SUPT3H: variants seen among roughly 807,000 people sequenced by gnomAD.
SUPT3H encodes SPT3 homolog, SAGA and STAGA complex component.
In SUPT3H, 44 loss-of-function variants were observed where a neutral mutation model predicts 44.3. That is an observed-to-expected ratio of 0.99 (90% confidence interval 0.78 to 1.28). The LOEUF is 1.28. SUPT3H is among the 50% of genes most tolerant of loss of function. The probability of loss-of-function intolerance (pLI) is 0.00; values close to 1 mark genes in which losing one functional copy is unlikely to be tolerated. For missense variants in SUPT3H, 380 were observed against 387.1 expected, an observed-to-expected ratio of 0.98 and a Z score of 0.15; for synonymous variants, 124 against 125.6, an observed-to-expected ratio of 0.99 and a Z score of 0.09.
chr6:44,966,871 T>C (rs541658020), intron 6 of SUPT3H, among the ~76,000 whole-genome samples: 5 of 152,338 alleles, frequency 3.3e-5, no homozygotes, highest in African/African-American at 9.6e-5. Context: ...CTTTTATTCA[T>C]ACTGAACATT....
intron 2 of SUPT3H, among the ~76,000 whole-genome samples, chr6:45,181,558 C>A (rs1023213302): frequency 1.3e-5 from 2 of 151,824 alleles, no homozygotes; most frequent in Non-Finnish European, 2.9e-5. Flanking sequence ...GAGTTCATGT[C>A]CTTTGTAGGG....
intron 3 of SUPT3H, among the ~76,000 whole-genome samples, chr6:45,054,602 CAA>C (rs1790827262): frequency 1.3e-5 from 2 of 152,076 alleles, no homozygotes; most frequent in Non-Finnish European, 1.5e-5. Flanking sequence ...ATGAACCTTG[CAA>C]TAAGTGAGGA....
At chr6:44,923,845 AC>A (rs998764118) in intron 10 of SUPT3H, among the ~76,000 whole-genome samples, 8 of 152,100 alleles carry the variant, frequency 5.3e-5, no homozygotes, top group East Asian at 1.9e-4. Flanking sequence ...AAACAAAAAA[AC>A]AATAAACAAT....
intron 6 of SUPT3H, among the ~76,000 whole-genome samples, chr6:44,968,507 T>C (rs1777099741): frequency 6.6e-6 from 1 of 152,116 alleles, no homozygotes; most frequent in African/African-American, 2.4e-5. Flanking sequence ...CTCATTCTGC[T>C]TGCTGGGTCA....
At chr6:45,238,701 A>G (rs1769689544) in intron 2 of SUPT3H, among the ~76,000 whole-genome samples, 1 of 152,216 alleles carries the variant, frequency 6.6e-6, no homozygotes, top group Admixed American at 6.5e-5. Context: ...CATGGACTCT[A>G]TAACTCCTTA....
intron 2 of SUPT3H, among the ~76,000 whole-genome samples, chr6:45,236,858 G>C (rs561146726): frequency 2.3e-4 from 35 of 152,242 alleles, no homozygotes; most frequent in African/African-American, 8.2e-4. Context: ...TTTGTAATGG[G>C]ACTGTTAAAG....
At chr6:45,135,872 G>C (rs1804197788) in intron 2 of SUPT3H, among the ~76,000 whole-genome samples, 1 of 152,196 alleles carries the variant, frequency 6.6e-6, no homozygotes, top group South Asian at 2.1e-4. Flanking sequence ...AGACAAGCCA[G>C]GGATTTAGCA....
At chr6:45,177,834 A>C (rs911225133) in intron 2 of SUPT3H, among the ~76,000 whole-genome samples, 18 of 152,040 alleles carry the variant, frequency 1.2e-4, no homozygotes, top group Non-Finnish European at 2.2e-4. Flanking sequence ...TCATAAGTGA[A>C]GGAGAAATAA....
At chr6:45,230,240 T>A (rs1183465576) in intron 2 of SUPT3H, among the ~76,000 whole-genome samples, 1 of 152,214 alleles carries the variant, frequency 6.6e-6, no homozygotes, top group African/African-American at 2.4e-5. Context: ...GTCTGTTAAG[T>A]CCATTTGGTC....
Position 44,827,412 on chromosome 6 carries a change from C to T in SUPT3H, c.*2404G>A, listed in dbSNP as rs539921052. 4.0e-5 allele frequency among the ~76,000 whole-genome samples: 6 copies of T among 151,882 alleles called. No individual in the cohort carries two copies. The highest frequency in any genetic ancestry group is 1.5e-4 in the African/African-American group (6 of 41,352). On this transcript the variant is annotated 3_prime_UTR_variant, in exon 11 of 11. Transcript: ENST00000371459. ...TATGGTAGAAAATACTGTATAATAC[C>T]GACTGAAAATTAGGGACCATCGATT...
chr6:45,104,360 G>C (rs1165626561), intron 3 of SUPT3H, among the ~76,000 whole-genome samples: 1 of 151,984 alleles, frequency 6.6e-6, no homozygotes, highest in African/African-American at 2.4e-5. Context: ...AGGGGAGAAG[G>C]CTATAGAAAG....
chr6:45,267,243 G>A (rs1295794202), intron 2 of SUPT3H, among the ~76,000 whole-genome samples: 5 of 151,964 alleles, frequency 3.3e-5, no homozygotes, highest in South Asian at 2.1e-4. Context: ...TTTATATAAC[G>A]GATTTAGAGA....
chr6:45,149,970 TA>T (rs1806659776), intron 2 of SUPT3H, among the ~76,000 whole-genome samples: 3 of 152,062 alleles, frequency 2.0e-5, no homozygotes, highest in Admixed American at 6.6e-5. Flanking sequence ...ACAATTTTTT[TA>T]AAAAAGGTCC....
intron 3 of SUPT3H, among the ~76,000 whole-genome samples, chr6:45,022,684 C>G (rs1199675087): frequency 6.6e-6 from 1 of 151,954 alleles, no homozygotes; most frequent in African/African-American, 2.4e-5. Context: ...CTGCCTATCC[C>G]GGATGTGTCC....
downstream of SUPT3H, among the ~76,000 whole-genome samples, chr6:44,825,597 T>C (rs1767681820): frequency 6.6e-6 from 1 of 152,236 alleles, no homozygotes; most frequent in South Asian, 2.1e-4. Flanking sequence ...TATCTGGTAG[T>C]GGGGCTGTGA....
At chr6:45,337,271 C>T (rs1178767176) in intron 2 of SUPT3H, among the ~76,000 whole-genome samples, 2 of 151,624 alleles carry the variant, frequency 1.3e-5, no homozygotes, top group African/African-American at 4.8e-5. Context: ...CTTTCTTTAA[C>T]CATAAGACTG....
rs372829831 is a variant in SUPT3H at position 44,832,561 on chromosome 6, C to G, written c.913-2704G>C. The stretch of plus-strand genomic sequence containing the variant: ...ATTTCTGGTTTAATAAAGCTCTGTT[C>G]TCAACATCAGTTGCTCCTTTGTGAA... On this transcript the variant is annotated intron_variant, in intron 10 of 10. Transcript: ENST00000371459. Among the ~76,000 whole-genome samples the G allele has an allele frequency of 2.4e-4, 37 of 152,276 alleles. 1 individual carries two copies. In the South Asian group the frequency reaches 6.8e-3, roughly 28 times the overall value.
At chr6:45,340,169 A>G (rs12214749) in intron 2 of SUPT3H, among the ~76,000 whole-genome samples, 34,594 of 152,176 alleles carry the variant, frequency 0.23, 4,619 homozygotes, top group Non-Finnish European at 0.31. Context: ...TAATTATTCT[A>G]AAGTTATTAA....
intron 3 of SUPT3H, among the ~76,000 whole-genome samples, chr6:45,102,614 T>A (rs1798733222): frequency 6.6e-6 from 1 of 152,186 alleles, no homozygotes. Context: ...GTACAGTTAC[T>A]GAATTTAGAC....
Sources: allele counts gnomAD v4.1 joint callset (sites outside exome capture counted in the v4.1 genomes callset), GRCh38; gene constraint gnomAD v4.1.1; transcripts MANE v1.5; gene names NCBI Gene and HGNC (gene_info 2026-07-23, HGNC 2026-07-21).